The following VWF variants were observed in gnomAD, a reference collection of about 807,000 sequenced individuals.
The protein encoded by VWF is von Willebrand factor, also known as Factor VIII related antigen.
VWF carries 176 observed loss-of-function variants against 308.6 expected under a neutral mutation model. The observed-to-expected ratio is 0.57, with a 90% CI of 0.50 to 0.65. The LOEUF is 0.65. Ranked by LOEUF, VWF falls within the 30% of genes least tolerant of loss-of-function variation. VWF has a pLI of 0.00. For missense variants in VWF, 3,146 were observed against 3,648.2 expected, an observed-to-expected ratio of 0.86 and a Z score of 3.55; for synonymous variants, 1,385 against 1,443.4, an observed-to-expected ratio of 0.96 and a Z score of 0.92.
chr12:6,003,337 G>C (rs569994094), intron 34 of VWF, among the ~76,000 whole-genome samples: 8 of 151,950 alleles, frequency 5.3e-5, no homozygotes, highest in African/African-American at 1.9e-4. Context: ...AAAGAGTGTG[G>C]GGATAGAGCT....
chr12:5,964,546 T>C (rs773665699), intron 47 of VWF, among the ~76,000 whole-genome samples: 1 of 152,204 alleles, frequency 6.6e-6, no homozygotes, highest in Non-Finnish European at 1.5e-5. Flanking sequence ...CAGAGATCCA[T>C]TCATTGGGGT....
intron 20 of VWF, among the ~76,000 whole-genome samples, chr12:6,034,144 G>A (rs1357454371): frequency 2.6e-5 from 4 of 152,052 alleles, no homozygotes; most frequent in African/African-American, 7.2e-5. Flanking sequence ...ATTCTGAATT[G>A]TACCAAGTTA....
intron 17 of VWF, 80 bp from the exon 18 acceptor site, chr12:6,044,531 G>C: frequency 6.5e-7 from 1 of 1,527,742 alleles, no homozygotes; most frequent in Non-Finnish European, 8.9e-7. Flanking sequence ...TGGTCCCCTA[G>C]AGTCTGTGAC....
chr12:6,014,858 C>T (rs539008519), intron 31 of VWF, among the ~76,000 whole-genome samples: 3 of 152,268 alleles, frequency 2.0e-5, no homozygotes, highest in African/African-American at 4.8e-5. Flanking sequence ...CATGAGAAAC[C>T]GAGGCTTTGG....
chr12:6,121,816 A>G (rs1945435283), intron 2 of VWF, among the ~76,000 whole-genome samples: 2 of 152,044 alleles, frequency 1.3e-5, no homozygotes, highest in Admixed American at 1.3e-4. Flanking sequence ...CTGTAATCCC[A>G]GCTACTGGTG....
At chr12:6,117,334 G>A (rs902813850) in intron 3 of VWF, among the ~76,000 whole-genome samples, 6 of 152,182 alleles carry the variant, frequency 3.9e-5, no homozygotes, top group African/African-American at 1.2e-4. Context: ...ACGGTGGCCC[G>A]AGAGGCCAGA....
At position 6,046,343 on chromosome 12, in the gene VWF, G is replaced by C. The variant is rs1232843721; in HGVS notation, c.2281+380C>G. 1.3e-5 allele frequency among the ~76,000 whole-genome samples: 2 copies of C among 152,184 alleles called. No individual in the cohort carries two copies. Among genetic ancestry groups the C allele is most frequent in the African/African-American group, 4.8e-5 (2 of 41,450 alleles). The stretch of plus-strand genomic sequence containing the variant: ...TCTCAAGGAAGAGCTGTCTTCATCA[G>C]CATGTCCATAGGAAACAAGAGGCCA... On this transcript the variant is annotated intron_variant, in intron 17 of 51. Coordinates refer to ENST00000261405, the MANE Select transcript of VWF (RefSeq NM_000552.5). This position sits in a 1 kb window ranked among gnomAD's most constrained non-coding sequence, Gnocchi z 5.0.
At chr12:6,102,181 C>A (rs1281099165) in intron 5 of VWF, among the ~76,000 whole-genome samples, 1 of 152,264 alleles carries the variant, frequency 6.6e-6, no homozygotes. Context: ...GTGGCTCACA[C>A]CTGTAATCCC....
chr12:5,996,306 T>G (rs1017220806), intron 34 of VWF, 84 bp from the exon 35 acceptor site: 1 of 1,258,226 alleles, frequency 7.9e-7, no homozygotes, highest in Admixed American at 2.0e-5. Flanking sequence ...TGTGACCAAG[T>G]TGCACACAGA....
intron 32 of VWF, among the ~76,000 whole-genome samples, chr12:6,013,245 T>C (rs1430839615): frequency 1.3e-5 from 2 of 152,096 alleles, no homozygotes; most frequent in Non-Finnish European, 2.9e-5. Flanking sequence ...ACATGGACAA[T>C]TAGAGTGGAA....
At chr12:6,035,940 A>G (rs887065810) in intron 19 of VWF, among the ~76,000 whole-genome samples, 8 of 152,284 alleles carry the variant, frequency 5.3e-5, no homozygotes, top group Admixed American at 2.0e-4. Context: ...TGTTTCATGC[A>G]CAAACATTAA....
At chr12:6,014,192 G>A (rs1381341082) in intron 31 of VWF, among the ~76,000 whole-genome samples, 1 of 152,042 alleles carries the variant, frequency 6.6e-6, no homozygotes, top group Non-Finnish European at 1.5e-5. Flanking sequence ...ATGCTCCCGG[G>A]GGCTGGGGAG....
chr12:6,121,276 T>C lies in VWF; in HGVS notation c.118A>G (p.Ser40Gly). 1 of 1,614,238 alleles carries C rather than the reference T, an allele frequency of 6.2e-7. No homozygotes were observed. The highest frequency in any genetic ancestry group is 8.5e-7 in the Non-Finnish European group (1 of 1,180,048). ...CCATCAAAGGTGTTGACGAAGTCACTTCCGAAAAGGCTGCATCGGGCCGTG... is the reference window on the plus strand; with the variant it reads ...CCATCAAAGGTGTTGACGAAGTCACCTCCGAAAAGGCTGCATCGGGCCGTG... ...SSTARCSLFGSDFVNTFDGSM... is the reference protein window; with the variant it reads ...SSTARCSLFGGDFVNTFDGSM... Residue 40 changes from serine to glycine, a missense_variant, in exon 3 of 52, where the codon AGT becomes GGT. Physicochemically the swap from Ser to Gly is moderately conservative, Grantham distance 56. This residue lies in a region of VWF where 1,304 missense variants were observed against 1,353.0 expected (regional missense o/e 0.96). Transcript: ENST00000261405.
chr12:5,981,584 A>G (rs970029543), intron 42 of VWF, among the ~76,000 whole-genome samples: 1 of 152,094 alleles, frequency 6.6e-6, no homozygotes, highest in Non-Finnish European at 1.5e-5. Context: ...ACTGCCCCCC[A>G]ACCAAGCCTT....
At chr12:5,978,901 T>C (rs1200392880) in intron 42 of VWF, among the ~76,000 whole-genome samples, 1 of 152,182 alleles carries the variant, frequency 6.6e-6, no homozygotes, top group Non-Finnish European at 1.5e-5. Flanking sequence ...ATGCCCAGGG[T>C]GAGCCCAGCA....
intron 19 of VWF, among the ~76,000 whole-genome samples, 164 bp downstream of exon 19, chr12:6,036,224 C>A (rs908427012): frequency 6.6e-5 from 10 of 152,352 alleles, no homozygotes; most frequent in Non-Finnish European, 1.3e-4. Flanking sequence ...GAAAAAGATT[C>A]TCCCCATTTT....
At chr12:6,095,686 T>C in intron 5 of VWF, 102 bp from the exon 6 acceptor site, 1 of 1,548,884 alleles carries the variant, frequency 6.5e-7, no homozygotes. Flanking sequence ...TGTTTTGTTT[T>C]AATTTTTTAT....
chr12:6,056,745 A>T, intron 15 of VWF, 112 bp downstream of exon 15: 2 of 963,530 alleles, frequency 2.1e-6, no homozygotes, highest in Non-Finnish European at 2.8e-6. Context: ...GTTTGTCACA[A>T]TGCCCTACGC....
intron 30 of VWF, 79 bp from the exon 31 acceptor site, chr12:6,016,311 C>T: frequency 1.2e-6 from 2 of 1,602,706 alleles, no homozygotes; most frequent in Non-Finnish European, 8.5e-7. Context: ...ATCCTTAAGT[C>T]ACTTAAAAGC....
Sources: allele counts gnomAD v4.1 joint callset (sites outside exome capture counted in the v4.1 genomes callset), GRCh38; gene constraint gnomAD v4.1.1; regional missense constraint gnomAD v4.1.1; non-coding constraint Gnocchi (gnomAD v3.1); transcripts MANE v1.5; gene names NCBI Gene and HGNC (gene_info 2026-07-23, HGNC 2026-07-21).